Variants in TSHZ2 observed in about 807,000 individuals in gnomAD.
TSHZ2 encodes the protein teashirt homolog 2.
TSHZ2 carries 21 observed loss-of-function variants against 74.4 expected under a neutral mutation model. The observed-to-expected ratio is 0.28, with a 90% confidence interval of 0.20 to 0.41. The LOEUF is 0.41. Among genes scored for constraint, TSHZ2 ranks in the 10% least tolerant of loss-of-function variants. TSHZ2 has a pLI of 1.00. For missense variants in TSHZ2, 1,244 were observed against 1,293.5 expected, an observed-to-expected ratio of 0.96 and a Z score of 0.59; for synonymous variants, 540 against 515.3, an observed-to-expected ratio of 1.05 and a Z score of -0.65.
In TSHZ2 at chr20:53,493,725, T is replaced by A. The variant is rs949040600; in HGVS notation, c.*6590T>A. The A allele has an allele frequency of 6.6e-6, 1 of 151,544 alleles. No individual in the cohort carries two copies. Among genetic ancestry groups the A allele is most frequent in the Non-Finnish European group, 1.5e-5 (1 of 67,940 alleles). 9.4% of individuals were successfully genotyped at this position (151,544 alleles called of 1,614,324 possible). A position where few individuals can be genotyped will look rare whatever the true frequency, so the allele number is the denominator to read the frequency against. ...TCACTTCTTTTTGATGATTATAAAT[T>A]GTCCTTGCAATGAAAAAAAAAAAAG... On this transcript the variant is annotated 3_prime_UTR_variant, in exon 3 of 3. Coordinates refer to ENST00000371497, the MANE Select transcript of TSHZ2 (RefSeq NM_173485.6).
At chr20:53,359,682 TG>T (rs1285827474) in intron 2 of TSHZ2, among the ~76,000 whole-genome samples, 1 of 152,022 alleles carries the variant, frequency 6.6e-6, no homozygotes, top group African/African-American at 2.4e-5. Flanking sequence ...CTCTGAGCCA[TG>T]TGGTTGGTAT....
intron 1 of TSHZ2, among the ~76,000 whole-genome samples, chr20:53,087,550 T>C (rs1786820276): frequency 6.6e-6 from 1 of 152,226 alleles, no homozygotes; most frequent in Non-Finnish European, 1.5e-5. Context: ...TCTCTTCCTC[T>C]TCACTGGGTG....
rs11475290 is a variant in TSHZ2, at chr20:53,314,622, C to CTT, written c.*8+58069_*8+58070dup. 1.4e-3 allele frequency among the ~76,000 whole-genome samples: 178 copies of CTT among 126,656 alleles called. 1 individual carries two copies. The highest frequency in any genetic ancestry group is 4.2e-3 in the African/African-American group (138 of 33,134). 83.1% of individuals were successfully genotyped at this position (126,656 alleles called of 152,430 possible). A position where few individuals can be genotyped will look rare whatever the true frequency, so the allele number is the denominator to read the frequency against. On this transcript the variant is annotated intron_variant, in intron 2 of 2. Coordinates refer to ENST00000371497, the MANE Select transcript of TSHZ2 (RefSeq NM_173485.6). Reference sequence around the variant, plus strand: ...GTCTTATTTCATAATGTAGTCCTAGCTTTTTTTTTTTTTTTTTTTGAGACA... The same window carrying CTT: ...GTCTTATTTCATAATGTAGTCCTAGCTTTTTTTTTTTTTTTTTTTTTGAGACA...
intron 2 of TSHZ2, chr20:53,421,162 C>T (rs1054882529): frequency 6.6e-6 from 1 of 152,444 alleles, no homozygotes; most frequent in Non-Finnish European, 1.5e-5. Flanking sequence ...GAATAAGACT[C>T]ACTGACTCCA....
intron 2 of TSHZ2, among the ~76,000 whole-genome samples, chr20:53,285,850 G>A (rs1303938065): frequency 6.6e-6 from 1 of 152,162 alleles, no homozygotes; most frequent in African/African-American, 2.4e-5. Flanking sequence ...CTTTGAGATT[G>A]GATTGATTCA....
intron 1 of TSHZ2, among the ~76,000 whole-genome samples, chr20:53,010,389 C>A (rs2122996241): frequency 6.6e-6 from 1 of 151,650 alleles, no homozygotes; most frequent in East Asian, 1.9e-4. Context: ...CTAAAGGAAG[C>A]AAAGCAAAAC....
At chr20:53,295,432 G>A (rs1991358863) in intron 2 of TSHZ2, among the ~76,000 whole-genome samples, 1 of 89,786 alleles carries the variant, frequency 1.1e-5, no homozygotes, top group African/African-American at 4.0e-5. Context: ...GTGTGTGTGT[G>A]CACGTGTATG....
chr20:53,266,624 A>G (rs1359004222), intron 2 of TSHZ2, among the ~76,000 whole-genome samples: 1 of 152,188 alleles, frequency 6.6e-6, no homozygotes, highest in East Asian at 1.9e-4. Flanking sequence ...ATAATAGTTA[A>G]TTGTACCATT....
At chr20:53,336,868 A>G (rs200600) in intron 2 of TSHZ2, among the ~76,000 whole-genome samples, 80,825 of 151,874 alleles carry the variant, frequency 0.53, 22,729 homozygotes, top group African/African-American at 0.7. Context: ...ACACACACTC[A>G]TACATTCCAC....
At chr20:53,112,046 A>G (rs1336087005) in intron 1 of TSHZ2, among the ~76,000 whole-genome samples, 3 of 152,172 alleles carry the variant, frequency 2.0e-5, no homozygotes, top group East Asian at 1.9e-4. Flanking sequence ...ACTGAGAACC[A>G]TGGCAGAATA....
At chr20:53,464,434 G>A (rs1441618283) in intron 2 of TSHZ2, among the ~76,000 whole-genome samples, 3 of 152,108 alleles carry the variant, frequency 2.0e-5, no homozygotes, top group Admixed American at 6.5e-5. Context: ...GGGTAGAACA[G>A]GAGCAAAGGC....
chr20:53,453,877 G>T (rs1302378797), intron 2 of TSHZ2, among the ~76,000 whole-genome samples: 1 of 152,056 alleles, frequency 6.6e-6, no homozygotes, highest in Non-Finnish European at 1.5e-5. Context: ...ATGACAGACT[G>T]GTTTGGAAGA....
intron 2 of TSHZ2, among the ~76,000 whole-genome samples, chr20:53,370,805 G>C (rs1434718999): frequency 1.3e-5 from 2 of 152,204 alleles, no homozygotes; most frequent in African/African-American, 4.8e-5. Context: ...AAACACATTT[G>C]TGGGTTGGGT....
intron 1 of TSHZ2, among the ~76,000 whole-genome samples, chr20:53,145,678 A>C (rs185761187): frequency 6.6e-6 from 1 of 152,172 alleles, no homozygotes; most frequent in African/African-American, 2.4e-5. Flanking sequence ...TTCATCTGTC[A>C]TTGCTTGGAA....
At chr20:53,058,645 A>G (rs562761303) in intron 1 of TSHZ2, among the ~76,000 whole-genome samples, 5 of 152,360 alleles carry the variant, frequency 3.3e-5, no homozygotes, top group Admixed American at 3.3e-4. Flanking sequence ...CATGGACTAA[A>G]GCCCCAAGTA....
In TSHZ2 at chr20:53,347,080, T is replaced by A. The variant is rs144950638; in HGVS notation, c.*8+90509T>A. Among the ~76,000 whole-genome samples the A allele has an allele frequency of 6.5e-3, 990 of 152,310 alleles. 4 individuals are homozygous for A. The highest frequency in any genetic ancestry group is 0.02 in the Middle Eastern group (6 of 294). ...CTCCTGGGAAAGCAGTCCCTCACCCTACCTTATACAAAAGTGGCTGCTTTT... is the reference window on the plus strand; with the variant it reads ...CTCCTGGGAAAGCAGTCCCTCACCCAACCTTATACAAAAGTGGCTGCTTTT... On this transcript the variant is annotated intron_variant, in intron 2 of 2. Coordinates refer to ENST00000371497, the MANE Select transcript of TSHZ2 (RefSeq NM_173485.6).
chr20:53,345,674 CG>C (rs1980409504), intron 2 of TSHZ2, among the ~76,000 whole-genome samples: 1 of 151,148 alleles, frequency 6.6e-6, no homozygotes, highest in Non-Finnish European at 1.5e-5. Flanking sequence ...CCCGCCTGCC[CG>C]CCCCCCCATT....
At chr20:53,010,917 G>C (rs1217722383) in intron 1 of TSHZ2, among the ~76,000 whole-genome samples, 1 of 151,966 alleles carries the variant, frequency 6.6e-6, no homozygotes, top group African/African-American at 2.4e-5. Flanking sequence ...TGTAGAGTTG[G>C]ACATTTTCTT....
intron 1 of TSHZ2, among the ~76,000 whole-genome samples, chr20:53,132,098 A>G (rs1038246299): frequency 1.3e-5 from 2 of 152,090 alleles, no homozygotes; most frequent in African/African-American, 4.8e-5. Context: ...CACCTCTTTG[A>G]AAATGTAATG....
Sources: allele counts gnomAD v4.1 joint callset (sites outside exome capture counted in the v4.1 genomes callset), GRCh38; gene constraint gnomAD v4.1.1; transcripts MANE v1.5; gene names NCBI Gene and HGNC (gene_info 2026-07-23, HGNC 2026-07-21).